C1orf87: variants seen among roughly 807,000 people sequenced by gnomAD.
C1orf87 encodes uncharacterized protein C1orf87.
A neutral mutation model predicts 60.5 loss-of-function variants in C1orf87; 58 were observed. The ratio of observed to expected loss-of-function variants is 0.96; its 90% CI spans 0.78 to 1.19. The LOEUF is 1.19. C1orf87 is among the 50% of genes most tolerant of loss of function. The pLI is 0.00. For synonymous variants in C1orf87, 236 were observed against 227.4 expected (o/e 1.04, Z -0.34); for missense variants, 673 against 638.6 (o/e 1.05, Z -0.58).
rs147347218 is a variant in C1orf87 at position 59,990,693 on chromosome 1, G to T, written c.1621C>A (p.Arg541=). 16 of 1,613,754 alleles carry T rather than the reference G, an allele frequency of 9.9e-6. No individual in the cohort carries two copies. Among genetic ancestry groups the T allele is most frequent in the African/African-American group, 1.3e-5 (1 of 74,898 alleles). ...TGTTATCATAGCTCCTTTAAGTACCGCAGTGCTGGCTCCAAGAGCATATTT... is the reference window on the plus strand; with the variant it reads ...TGTTATCATAGCTCCTTTAAGTACCTCAGTGCTGGCTCCAAGAGCATATTT... ...GENMLLEPAL[R]YLKEL The change falls in exon 12 of 12, where the codon CGG becomes AGG. Residue 541 remains arginine, a synonymous_variant. Transcript: ENST00000371201.
chr1:60,064,378 C>T (rs1317758109), intron 2 of C1orf87, among the ~76,000 whole-genome samples: 1 of 129,556 alleles, frequency 7.7e-6, no homozygotes. Flanking sequence ...TATACACACA[C>T]AATATCACAA....
chr1:60,028,118 G>A (rs1422707266), intron 7 of C1orf87, among the ~76,000 whole-genome samples: 1 of 152,032 alleles, frequency 6.6e-6, no homozygotes, highest in African/African-American at 2.4e-5. Context: ...TATGAGTGGA[G>A]GTTGGCAAAA....
rs201628612 is a variant in C1orf87, at chr1:60,010,461, G to A, written c.1128-5C>T. 423 of 1,611,422 alleles carry A rather than the reference G, an allele frequency of 2.6e-4. No homozygotes were observed. The highest frequency in any genetic ancestry group is 1.3e-3 in the Admixed American group (80 of 59,848). ...ATCTCAACAAAATTCTGCCATCTGTGCAAGAAAAGGAAACATAAATTGGTG... is the reference window on the plus strand; with the variant it reads ...ATCTCAACAAAATTCTGCCATCTGTACAAGAAAAGGAAACATAAATTGGTG... On this transcript the variant is annotated splice_region_variant and splice_polypyrimidine_tract_variant and intron_variant, in intron 8 of 11. Transcript: ENST00000371201.
intron 2 of C1orf87, among the ~76,000 whole-genome samples, chr1:60,059,495 C>G (rs899655869): frequency 6.6e-6 from 1 of 152,146 alleles, no homozygotes; most frequent in Non-Finnish European, 1.5e-5. Flanking sequence ...CGGGCTCTTT[C>G]TGCAAACCAG....
At chr1:60,008,762 T>C in intron 9 of C1orf87, 1 of 445,474 alleles carries the variant, frequency 2.2e-6, no homozygotes, top group Non-Finnish European at 4.5e-6. Context: ...GTCTCCTCAT[T>C]GAAAATATGA....
chr1:60,039,892 A>T (rs1645307341), intron 5 of C1orf87, 25 bp downstream of exon 5: 1 of 1,595,382 alleles, frequency 6.3e-7, no homozygotes, highest in South Asian at 1.1e-5. Context: ...AGGAACCCAC[A>T]CTTCCAATAG....
At chr1:60,022,041 C>T (rs1393102073) in intron 8 of C1orf87, among the ~76,000 whole-genome samples, 1 of 149,802 alleles carries the variant, frequency 6.7e-6, no homozygotes, top group Non-Finnish European at 1.5e-5. Flanking sequence ...GTAACTGGAA[C>T]AGATTAGGGA....
At chr1:60,050,466 A>G (rs1314288776) in intron 3 of C1orf87, among the ~76,000 whole-genome samples, 1 of 151,238 alleles carries the variant, frequency 6.6e-6, no homozygotes, top group African/African-American at 2.4e-5. Context: ...GTTGACATAT[A>G]TGAAGGCCAT....
intron 6 of C1orf87, 46 bp from the exon 7 acceptor site, chr1:60,033,687 C>T: frequency 6.3e-7 from 1 of 1,576,180 alleles, no homozygotes; most frequent in African/African-American, 1.3e-5. Flanking sequence ...GTTATCCACC[C>T]AAGGCAGCTG....
intron 7 of C1orf87, among the ~76,000 whole-genome samples, chr1:60,026,225 T>C (rs1645197247): frequency 6.6e-6 from 1 of 152,184 alleles, no homozygotes; most frequent in Non-Finnish European, 1.5e-5. Flanking sequence ...ATATAAATGA[T>C]AGAACCAAAC....
At chr1:60,023,875 C>T (rs1645180919) in intron 8 of C1orf87, among the ~76,000 whole-genome samples, 1 of 152,142 alleles carries the variant, frequency 6.6e-6, no homozygotes, top group African/African-American at 2.4e-5. Flanking sequence ...TGTAGAATGT[C>T]TCTCTGTTGT....
intron 7 of C1orf87, among the ~76,000 whole-genome samples, chr1:60,027,945 G>C (rs1428958572): frequency 1.3e-5 from 2 of 152,180 alleles, no homozygotes; most frequent in Non-Finnish European, 2.9e-5. Flanking sequence ...TTTCTACAAG[G>C]TGGTGGCTTA....
intron 9 of C1orf87, 67 bp from the exon 10 acceptor site, chr1:60,001,223 A>G: frequency 9.2e-7 from 1 of 1,090,966 alleles, no homozygotes; most frequent in South Asian, 1.8e-5. Flanking sequence ...ACACACATAT[A>G]CACAAGGCAA....
chr1:60,050,269 C>G (rs1645404801), intron 3 of C1orf87, among the ~76,000 whole-genome samples: 1 of 151,970 alleles, frequency 6.6e-6, no homozygotes, highest in Non-Finnish European at 1.5e-5. Context: ...GCATGCCTTT[C>G]CATTTGTTCA....
intron 3 of C1orf87, among the ~76,000 whole-genome samples, chr1:60,047,381 A>T (rs890555978): frequency 1.3e-5 from 2 of 152,166 alleles, no homozygotes; most frequent in Non-Finnish European, 2.9e-5. Context: ...TGATGCCCAA[A>T]TTATGTCGCT....
intron 2 of C1orf87, among the ~76,000 whole-genome samples, chr1:60,070,902 C>G (rs1355497776): frequency 6.6e-6 from 1 of 152,152 alleles, no homozygotes; most frequent in Non-Finnish European, 1.5e-5. Context: ...GCTCCCTACC[C>G]TTGGAAAAAG....
In C1orf87 at chr1:60,071,921, C is replaced by G. The variant is rs1574334350; in HGVS notation, c.107+616G>C. Reference sequence around the variant, plus strand: ...ATATGAAAGACAGATCTAGTACCTTCCCTCCTTTTTTGAGCCACTGAAACT... The same window carrying G: ...ATATGAAAGACAGATCTAGTACCTTGCCTCCTTTTTTGAGCCACTGAAACT... On this transcript the variant is annotated intron_variant, in intron 2 of 11. Transcript: ENST00000371201. 3.9e-5 allele frequency among the ~76,000 whole-genome samples: 6 copies of G among 152,248 alleles called. 1 individual carries two copies. In the South Asian group the frequency reaches 1.2e-3, roughly 32 times the overall value.
At chr1:59,997,944 T>TG (rs1161059569) in intron 10 of C1orf87, 128 bp from the exon 11 acceptor site, 20 of 859,616 alleles carry the variant, frequency 2.3e-5, no homozygotes, top group Middle Eastern at 3.5e-4. Context: ...GCTAAGAGGA[T>TG]GAGCTTCAAA....
chr1:60,039,533 C>G (rs549246545), intron 5 of C1orf87, among the ~76,000 whole-genome samples: 1 of 152,316 alleles, frequency 6.6e-6, no homozygotes, highest in East Asian at 1.9e-4. Context: ...TTCTAACTCT[C>G]TAGGAAGTTG....
Sources: allele counts gnomAD v4.1 joint callset (sites outside exome capture counted in the v4.1 genomes callset), GRCh38; gene constraint gnomAD v4.1.1; transcripts MANE v1.5; gene names NCBI Gene and HGNC (gene_info 2026-07-23, HGNC 2026-07-21).